Variants in CHD2 observed in about 807,000 individuals in gnomAD.
CHD2 encodes ATP-dependent chromatin remodeler CHD2.
CHD2 carries 28 observed loss-of-function variants against 243.9 expected under a neutral mutation model. The observed-to-expected ratio is 0.11, with a 90% CI of 0.09 to 0.16. The LOEUF (loss-of-function observed/expected upper bound fraction) is 0.16. CHD2 is among the 10% of genes least tolerant of loss of function. The probability of loss-of-function intolerance (pLI) is 1.00; values close to 1 mark genes in which losing one functional copy is unlikely to be tolerated. For synonymous variants in CHD2, 775 were observed against 779.0 expected, an observed-to-expected ratio of 0.99 and a Z score of 0.09; for missense variants, 1,386 against 2,209.8, an observed-to-expected ratio of 0.63 and a Z score of 7.47.
intron 13 of CHD2, among the ~76,000 whole-genome samples, chr15:92,952,575 T>C (rs2053567385): frequency 6.6e-6 from 1 of 152,174 alleles, no homozygotes; most frequent in Non-Finnish European, 1.5e-5. Context: ...TTCATGCTCC[T>C]ATGAGAATCT....
At chr15:92,902,230 A>G (rs915532505) in intron 2 of CHD2, 21 of 397,828 alleles carry the variant, frequency 5.3e-5, no homozygotes, top group Non-Finnish European at 6.2e-5. Flanking sequence ...TGTGCAAATC[A>G]TGATCTGTTT....
At chr15:92,924,881 A>G (rs759761979) in intron 3 of CHD2, among the ~76,000 whole-genome samples, 2 of 152,036 alleles carry the variant, frequency 1.3e-5, no homozygotes, top group African/African-American at 2.4e-5. Context: ...GCTCACTGCA[A>G]TCTCCGCCTC....
At chr15:92,967,298 A>T in intron 16 of CHD2, 27 bp from the exon 17 acceptor site, 1 of 1,496,672 alleles carries the variant, frequency 6.7e-7, no homozygotes, top group Non-Finnish European at 9.0e-7. Flanking sequence ...AATGTGGCTA[A>T]ATAACACTAT....
rs771650465 is a variant in CHD2, at chr15:92,945,847, G to T, written c.1180G>T (p.Gly394Cys). Reference protein sequence around the residue: ...IAVKTSKSTLGQTDFPAHSRK... With the variant: ...IAVKTSKSTLCQTDFPAHSRK... ...TGTGAAGACAAGTAAATCTACATTG[G>T]GTCAAACAGATTTTCCAGGTAAGCA... The change falls in exon 11 of 39, where the codon GGT (glycine) becomes TGT (cysteine). Residue 394 changes from glycine (G) to cysteine (C), a missense_variant. Gly to Cys is a radical substitution (Grantham distance 159). Around this residue, in one of 19 missense-constraint regions of CHD2, gnomAD observed 200 missense variants for 292.5 expected, o/e 0.68. Transcript: ENST00000394196. The T allele has an allele frequency of 1.9e-6, 3 of 1,579,370 alleles. No individual in the cohort carries two copies. Among genetic ancestry groups the T allele is most frequent in the East Asian group, 2.3e-5 (1 of 44,294 alleles).
At position 93,024,658 on chromosome 15, in the gene CHD2, G is replaced by C. The variant is rs746505187; in HGVS notation, c.5440G>C (p.Glu1814Gln). Reference sequence around the variant, plus strand: ...TAGGTCTCCTTTGGAGAGATCACTAGAACAGAAAAACAACCCAGATTATAA... The same window carrying C: ...TAGGTCTCCTTTGGAGAGATCACTACAACAGAAAAACAACCCAGATTATAA... ...DHRSPLERSL[E>Q]QKNNPDYNWN... The change falls in exon 39 of 39, where the codon GAA (glutamate) becomes CAA (glutamine). Residue 1814 changes from glutamate (E) to glutamine (Q), a missense_variant. Coordinates refer to ENST00000394196, the MANE Select transcript of CHD2 (RefSeq NM_001271.4). 6.2e-7 allele frequency: 1 copy of C among 1,613,184 alleles called. No individual in the cohort carries two copies. Among genetic ancestry groups the C allele is most frequent in the East Asian group, 2.2e-5 (1 of 44,880 alleles).
At position 92,998,326 on chromosome 15, in the gene CHD2, G is replaced by T; in HGVS notation, c.3886-173G>T. The stretch of plus-strand genomic sequence containing the variant: ...TTGTAAAATGAGAACGGCTCGTGAG[G>T]GATTTTCAGTGACTGGGAGCCATGG... On this transcript the variant is annotated intron_variant, in intron 30 of 38. Coordinates refer to ENST00000394196, the MANE Select transcript of CHD2 (RefSeq NM_001271.4). This position sits in a 1 kb window ranked among gnomAD's most constrained non-coding sequence, Gnocchi z 5.1. 1 of 1,362,106 alleles carries T rather than the reference G, an allele frequency of 7.3e-7. No homozygotes were observed. 84.4% of individuals were successfully genotyped at this position (1,362,106 alleles called of 1,614,324 possible).
At position 92,981,502 on chromosome 15, in the gene CHD2, AATG is replaced by A. The variant is rs771629450; in HGVS notation, c.3066+50_3066+52del. 4.7e-5 allele frequency: 67 copies of A among 1,425,932 alleles called. No individual in the cohort carries two copies. The South Asian group carries it at 7.6e-4, about 16-fold the overall frequency. The allele number at this position is 1,425,932 out of a possible 1,614,324, so 88.3% of individuals were successfully genotyped here. ...AGAGAGTTCTCAGCATTGATTCATT[AATG>A]ATGACTAATGTTTATGAACGCTTTC... On this transcript the variant is annotated intron_variant, in intron 24 of 38. Coordinates refer to ENST00000394196, the MANE Select transcript of CHD2 (RefSeq NM_001271.4).
chr15:92,949,913 T>C (rs555039707), intron 13 of CHD2, among the ~76,000 whole-genome samples: 69 of 152,370 alleles, frequency 4.5e-4, no homozygotes, highest in Admixed American at 9.8e-4. Flanking sequence ...TTCTTACTGC[T>C]GCGTCCTGTC....
intron 20 of CHD2, among the ~76,000 whole-genome samples, chr15:92,977,097 A>G: frequency 6.6e-6 from 1 of 152,154 alleles, no homozygotes; most frequent in East Asian, 1.9e-4. Flanking sequence ...GTTGGTTGAT[A>G]GGATCTTTTT....
intron 36 of CHD2, 125 bp downstream of exon 36, chr15:93,012,569 C>CA (rs1395238646): frequency 1.6e-5 from 10 of 607,872 alleles, no homozygotes; most frequent in Non-Finnish European, 2.8e-6. Context: ...TGCTAATAGT[C>CA]AAACAATAAG....
At chr15:92,945,795 T>C (rs1426240303) in intron 10 of CHD2, 26 bp from the exon 11 acceptor site, 4 of 1,484,056 alleles carry the variant, frequency 2.7e-6, no homozygotes, top group Non-Finnish European at 3.7e-6. Context: ...TTTATAACTT[T>C]TCTGTCTTAT....
Position 93,024,629 on chromosome 15 carries a change from A to G in CHD2, c.5411A>G (p.Asp1804Gly), listed in dbSNP as rs748701923. 1.2e-6 allele frequency: 2 copies of G among 1,614,198 alleles called. No homozygotes were observed. The highest frequency in any genetic ancestry group is 1.7e-6 in the Non-Finnish European group (2 of 1,180,016). ...KSPHDSKSPL[D>G]HRSPLERSLE... ...CCTCACGATTCCAAGTCACCCCTGG[A>G]TCATAGGTCTCCTTTGGAGAGATCA... Residue 1804 changes from aspartate (D) to glycine (G), a missense_variant, in exon 39 of 39, where the codon GAT becomes GGT. Transcript: ENST00000394196.
At chr15:93,001,826 G>A (rs979312938) in intron 32 of CHD2, among the ~76,000 whole-genome samples, 3 of 152,122 alleles carry the variant, frequency 2.0e-5, no homozygotes, top group Non-Finnish European at 4.4e-5. Context: ...CAATACATAC[G>A]TACATTTAAA....
At chr15:92,983,467 G>C (rs1349376604) in intron 24 of CHD2, among the ~76,000 whole-genome samples, 1 of 152,120 alleles carries the variant, frequency 6.6e-6, no homozygotes, top group African/African-American at 2.4e-5. Flanking sequence ...TGACTTCACT[G>C]TTGGCTCCAA....
At chr15:93,013,440 C>G (rs1193046612) in intron 36 of CHD2, among the ~76,000 whole-genome samples, 1 of 152,116 alleles carries the variant, frequency 6.6e-6, no homozygotes, top group Non-Finnish European at 1.5e-5. Flanking sequence ...AATAACAAAA[C>G]AGTATAAGCT....
chr15:92,901,601 T>C (rs2052529788), intron 2 of CHD2: 1 of 440,620 alleles, frequency 2.3e-6, no homozygotes, highest in Non-Finnish European at 4.0e-6. Flanking sequence ...TTTCAGTTTT[T>C]AGGTTTTTGT....
intron 24 of CHD2, among the ~76,000 whole-genome samples, chr15:92,981,785 C>A (rs887343200): frequency 6.6e-6 from 1 of 152,038 alleles, no homozygotes; most frequent in South Asian, 2.1e-4. Flanking sequence ...GATCAGATGC[C>A]AAAGAGAGGT....
At chr15:92,905,505 C>T (rs2052604228) in intron 2 of CHD2, among the ~76,000 whole-genome samples, 1 of 152,104 alleles carries the variant, frequency 6.6e-6, no homozygotes, top group Non-Finnish European at 1.5e-5. Flanking sequence ...TGTAGTTAGC[C>T]ATAGTTTAGA....
In CHD2 at chr15:92,937,531, C is replaced by G. The variant is rs755510106; in HGVS notation, c.457C>G (p.Gln153Glu). ...RQLKKQEKWK[Q>E]EPSEDEQEQG... is the part of the protein sequence containing the mutation. The stretch of plus-strand genomic sequence containing the variant: ...TTTTGATCACAGAGAAAAATGGAAA[C>G]AGGAACCCTCAGAAGATGAACAGGA... Residue 153 changes from glutamine (Q) to glutamate (E), a missense_variant, in exon 6 of 39, where the codon CAG (glutamine) becomes GAG (glutamate). By Grantham distance (29) the Gln-to-Glu change is conservative (BLOSUM62 2). Around this residue, in one of 19 missense-constraint regions of CHD2, gnomAD observed 90 missense variants for 78.0 expected, o/e 1.15. Coordinates refer to ENST00000394196, the MANE Select transcript of CHD2 (RefSeq NM_001271.4). The G allele has an allele frequency of 2.9e-5, 47 of 1,607,314 alleles. No homozygotes were observed. In the South Asian group the frequency reaches 4.9e-4, roughly 17 times the overall value.
Sources: gnomAD v4.1 joint callset for allele counts (sites outside exome capture counted in the v4.1 genomes callset) on GRCh38, gnomAD v4.1.1 for gene constraint, gnomAD v4.1.1 regional missense constraint, Gnocchi (gnomAD v3.1) non-coding constraint, MANE v1.5 for transcripts, NCBI Gene and HGNC (gene_info 2026-07-23, HGNC 2026-07-21) for gene names.